The following ACSS3 variants were observed in gnomAD, a reference collection of about 807,000 sequenced individuals.
The protein encoded by ACSS3 is acyl-CoA synthetase short chain family member 3, also known as acyl-CoA synthetase short-chain family member 3, mitochondrial.
Under a neutral mutation model 84.2 loss-of-function variants are expected in ACSS3, and 64 were observed. The observed-to-expected ratio is 0.76, with a 90% CI of 0.62 to 0.94. ACSS3 has a LOEUF of 0.94. ACSS3 is among the 40% of genes least tolerant of loss of function. ACSS3 has a pLI of 0.00. For missense variants in ACSS3, 815 were observed against 867.6 expected (o/e 0.94, Z 0.76); for synonymous variants, 317 against 310.1 (o/e 1.02, Z -0.23).
rs1333841015 is a variant in ACSS3 at position 81,085,943 on chromosome 12, C to G, written c.311+7512C>G. Reference sequence around the variant, plus strand: ...ATGTTTCAAAGGGAAAAAAAAAGTACTTTATCTTGTAATCGCAAATTTTCT... The same window carrying G: ...ATGTTTCAAAGGGAAAAAAAAAGTAGTTTATCTTGTAATCGCAAATTTTCT... On this transcript the variant is annotated intron_variant, in intron 1 of 15. Transcript: ENST00000548058. 3.3e-5 allele frequency among the ~76,000 whole-genome samples: 5 copies of G among 152,068 alleles called. No homozygotes were observed. The South Asian group carries it at 6.2e-4, about 19-fold the overall frequency.
chr12:81,091,979 C>A (rs183836959), intron 1 of ACSS3, among the ~76,000 whole-genome samples: 59 of 152,186 alleles, frequency 3.9e-4, no homozygotes, highest in African/African-American at 1.4e-3. Flanking sequence ...ACTTACTATG[C>A]TTGAGAGTGT....
chr12:81,109,966 T>G (rs1464251946), intron 2 of ACSS3, among the ~76,000 whole-genome samples: 1 of 152,260 alleles, frequency 6.6e-6, no homozygotes, highest in African/African-American at 2.4e-5. Context: ...TGTGTCACTC[T>G]TCCTCTGGTC....
intron 9 of ACSS3, among the ~76,000 whole-genome samples, chr12:81,202,204 G>C (rs534308100): frequency 1.3e-5 from 2 of 151,920 alleles, no homozygotes; most frequent in African/African-American, 4.8e-5. Flanking sequence ...GCATGAACCT[G>C]GGAAGTGGAG....
intron 5 of ACSS3, among the ~76,000 whole-genome samples, chr12:81,150,611 A>G (rs1449652245): frequency 3.3e-5 from 5 of 152,214 alleles, no homozygotes; most frequent in African/African-American, 1.2e-4. Context: ...TACAATCTAG[A>G]AAATAGCTCT....
rs1008378778 is a variant in ACSS3 at position 81,257,872 on chromosome 12, C to T, written c.*2950C>T. On this transcript the variant is annotated 3_prime_UTR_variant, in exon 16 of 16. Coordinates refer to ENST00000548058, the MANE Select transcript of ACSS3 (RefSeq NM_024560.4). ...AGGGAAATACCTGGATCTTTTGCAT[C>T]ACTATATGTTAGTGTCTATTATAGA... The T allele has an allele frequency of 1.3e-5, 2 of 152,036 alleles. No homozygotes were observed. The highest frequency in any genetic ancestry group is 2.9e-5 in the Non-Finnish European group (2 of 67,988). The allele number at this position is 152,036 out of a possible 1,614,324, so 9.4% of individuals were successfully genotyped here.
chr12:81,153,280 T>C (rs1222528367), intron 7 of ACSS3, among the ~76,000 whole-genome samples: 2 of 151,758 alleles, frequency 1.3e-5, no homozygotes, highest in African/African-American at 4.8e-5. Flanking sequence ...TGGTGGTGCA[T>C]GCCTGTAATC....
intron 2 of ACSS3, among the ~76,000 whole-genome samples, chr12:81,119,940 T>A (rs1205346204): frequency 6.6e-6 from 1 of 152,158 alleles, no homozygotes; most frequent in African/African-American, 2.4e-5. Flanking sequence ...AGGGAAGTCA[T>A]AAACGTCCAT....
At position 81,134,845 on chromosome 12, in the gene ACSS3, G is replaced by A. The variant is rs1451126483; in HGVS notation, c.486G>A (p.Lys162=). 1 of 1,581,216 alleles carries A rather than the reference G, an allele frequency of 6.3e-7. No individual in the cohort carries two copies. Among genetic ancestry groups the A allele is most frequent in the Admixed American group, 1.8e-5 (1 of 57,112 alleles). ...CCAAGCTGGCTGGTGTCTTGGTCAAGCATGGCATCAAGAAAGGTGACACTG... is the reference window on the plus strand; with the variant it reads ...CCAAGCTGGCTGGTGTCTTGGTCAAACATGGCATCAAGAAAGGTGACACTG... ...QVSKLAGVLV[K]HGIKKGDTVV... The change falls in exon 3 of 16, where the codon AAG becomes AAA. Residue 162 remains lysine (K), a synonymous_variant. Coordinates refer to ENST00000548058, the MANE Select transcript of ACSS3 (RefSeq NM_024560.4).
intron 10 of ACSS3, among the ~76,000 whole-genome samples, chr12:81,219,376 G>A (rs1286508892): frequency 6.6e-6 from 1 of 152,112 alleles, no homozygotes; most frequent in Non-Finnish European, 1.5e-5. Context: ...TTACCTGGAT[G>A]AATGAGGCCA....
intron 2 of ACSS3, among the ~76,000 whole-genome samples, chr12:81,126,865 T>G (rs564146600): frequency 6.6e-6 from 1 of 152,050 alleles, no homozygotes; most frequent in Non-Finnish European, 1.5e-5. Flanking sequence ...TAATGGTATT[T>G]ACTCTTTCAT....
At chr12:81,212,066 TC>T (rs1045676997) in intron 9 of ACSS3, among the ~76,000 whole-genome samples, 2 of 152,222 alleles carry the variant, frequency 1.3e-5, no homozygotes, top group African/African-American at 4.8e-5. Flanking sequence ...AATGTCACCT[TC>T]TCAGGGAGGT....
At chr12:81,173,523 AAT>A (rs59146330) in intron 7 of ACSS3, among the ~76,000 whole-genome samples, 3,817 of 152,272 alleles carry the variant, frequency 0.025, 155 homozygotes, top group East Asian at 0.19. Flanking sequence ...ATAATAAAAA[AAT>A]AGTGTCCTAT....
At chr12:81,078,036 G>T, upstream of ACSS3, 2 of 1,375,626 alleles carry the variant, frequency 1.5e-6, no homozygotes, top group Non-Finnish European at 9.5e-7. Flanking sequence ...ATTTGCCCCC[G>T]CCCCCTACTC....
intron 9 of ACSS3, among the ~76,000 whole-genome samples, chr12:81,209,300 C>T (rs550891110): frequency 6.6e-6 from 1 of 151,526 alleles, no homozygotes; most frequent in East Asian, 1.9e-4. Context: ...TAACTACATG[C>T]ACTTTTTTTT....
At chr12:81,234,029 G>T (rs998099656) in intron 13 of ACSS3, among the ~76,000 whole-genome samples, 1 of 151,430 alleles carries the variant, frequency 6.6e-6, no homozygotes, top group East Asian at 2.0e-4. Flanking sequence ...CAATTTCAAC[G>T]CTGTCAAATA....
chr12:81,176,530 C>T (rs551183720), intron 8 of ACSS3, among the ~76,000 whole-genome samples: 10 of 151,924 alleles, frequency 6.6e-5, no homozygotes, highest in East Asian at 5.8e-4. Context: ...GCCAAGATCA[C>T]GCCACTGCAC....
At chr12:81,126,429 C>G (rs1181927949) in intron 2 of ACSS3, among the ~76,000 whole-genome samples, 2 of 152,182 alleles carry the variant, frequency 1.3e-5, no homozygotes, top group African/African-American at 4.8e-5. Context: ...ATTTTCCATT[C>G]TTTTAGACCT....
chr12:81,231,145 A>G lies in ACSS3; in HGVS notation c.1596+7A>G, dbSNP rs776462619. 6 of 1,588,514 alleles carry G rather than the reference A, an allele frequency of 3.8e-6. No individual in the cohort carries two copies. Among genetic ancestry groups the G allele is most frequent in the Non-Finnish European group, 5.2e-6 (6 of 1,160,842 alleles). ...ATACTTTGAAAAATTTCCTGTAAGA[A>G]CTTTAATATGCTTTTTTATCTTCTT... On this transcript the variant is annotated splice_region_variant and intron_variant, in intron 12 of 15. Transcript: ENST00000548058.
intron 5 of ACSS3, among the ~76,000 whole-genome samples, chr12:81,148,897 T>TA (rs397851051): frequency 0.21 from 17,351 of 81,724 alleles, 2,071 homozygotes; most frequent in East Asian, 0.45. Flanking sequence ...CTGCCTCTAC[T>TA]AAAAAAAAAA....
Sources: allele counts gnomAD v4.1 joint callset (sites outside exome capture counted in the v4.1 genomes callset), GRCh38; gene constraint gnomAD v4.1.1; transcripts MANE v1.5; gene names NCBI Gene and HGNC (gene_info 2026-07-23, HGNC 2026-07-21).